EFR3A: variants seen among roughly 807,000 people sequenced by gnomAD.
EFR3A encodes EFR3 homolog A, also known as protein EFR3 homolog A.
A neutral mutation model predicts 104.4 loss-of-function variants in EFR3A; 76 were observed. The observed-to-expected ratio is 0.73, with a 90% CI of 0.60 to 0.88. The LOEUF (loss-of-function observed/expected upper bound fraction) is 0.88. EFR3A is among the 40% of genes least tolerant of loss of function. The pLI, the probability that EFR3A is intolerant of heterozygous loss-of-function variation, is 0.00. For synonymous variants in EFR3A, 330 were observed against 330.0 expected (o/e 1.00, Z 0.00); for missense variants, 985 against 1,012.5 (o/e 0.97, Z 0.37).
chr8:131,944,243 T>C (rs1337641072), intron 2 of EFR3A, among the ~76,000 whole-genome samples: 1 of 152,082 alleles, frequency 6.6e-6, no homozygotes, highest in African/African-American at 2.4e-5. Context: ...TTGTTGCTTT[T>C]TAAATATGTT....
At chr8:131,987,470 TA>T (rs1199812480) in intron 17 of EFR3A, 104 bp from the exon 18 acceptor site, 52 of 1,255,488 alleles carry the variant, frequency 4.1e-5, no homozygotes, top group Non-Finnish European at 5.6e-5. Context: ...ACATTGTGTT[TA>T]TATTTAGAAT....
intron 18 of EFR3A, among the ~76,000 whole-genome samples, chr8:131,995,307 C>T (rs1225271339): frequency 2.6e-5 from 4 of 151,976 alleles, no homozygotes; most frequent in South Asian, 4.1e-4. Flanking sequence ...TTCCTTTTTT[C>T]GACTGTAATC....
intron 1 of EFR3A, chr8:131,935,630 A>T (rs141336380): frequency 1.2e-5 from 3 of 246,158 alleles, no homozygotes; most frequent in African/African-American, 4.6e-5. Flanking sequence ...ATAGATTATG[A>T]AACAAACTTA....
rs201002950 is a variant in EFR3A, at chr8:131,976,074, A to G, written c.1207A>G (p.Met403Val). The G allele has an allele frequency of 1.2e-6, 2 of 1,607,708 alleles. No homozygotes were observed. Among genetic ancestry groups the G allele is most frequent in the Non-Finnish European group, 1.7e-6 (2 of 1,176,668 alleles). The change falls in exon 11 of 23, where the codon ATG becomes GTG. Residue 403 changes from methionine (M) to valine (V), a missense_variant. Coordinates refer to ENST00000254624, the MANE Select transcript of EFR3A (RefSeq NM_015137.6). ...LPDYQRSEIM[M>V]FIMGKVPVFG... is the part of the protein sequence containing the mutation. ...AGATTATCAGAGGTCAGAAATCATGATGTTCATTATGGGGAAAGTACCTGT... is the reference window on the plus strand; with the variant it reads ...AGATTATCAGAGGTCAGAAATCATGGTGTTCATTATGGGGAAAGTACCTGT...
intron 6 of EFR3A, among the ~76,000 whole-genome samples, chr8:131,954,792 A>G (rs1414779978): frequency 6.6e-6 from 1 of 151,926 alleles, no homozygotes; most frequent in Admixed American, 6.6e-5. Context: ...TCAATTCTAT[A>G]GTTCTAAATT....
intron 6 of EFR3A, among the ~76,000 whole-genome samples, chr8:131,954,406 T>C (rs2130622702): frequency 6.6e-6 from 1 of 152,050 alleles, no homozygotes; most frequent in East Asian, 1.9e-4. Context: ...CTGTATTTTA[T>C]TTTTTCAACA....
At chr8:131,989,216 G>A (rs1201302030) in intron 18 of EFR3A, among the ~76,000 whole-genome samples, 1 of 152,142 alleles carries the variant, frequency 6.6e-6, no homozygotes, top group Non-Finnish European at 1.5e-5. Context: ...AATAAACAGT[G>A]ATATTTTATG....
intron 20 of EFR3A, 70 bp downstream of exon 20, chr8:132,001,877 CAG>C (rs1821797751): frequency 7.6e-7 from 1 of 1,313,556 alleles, no homozygotes; most frequent in African/African-American, 1.5e-5. Flanking sequence ...TTTTCGATGA[CAG>C]AATACGTAGA....
At chr8:131,963,442 C>T (rs912508080) in intron 8 of EFR3A, among the ~76,000 whole-genome samples, 1 of 152,162 alleles carries the variant, frequency 6.6e-6, no homozygotes, top group Non-Finnish European at 1.5e-5. Context: ...ACTATAAACA[C>T]CTCTACACAA....
chr8:131,980,598 G>A (rs993240339), intron 14 of EFR3A, among the ~76,000 whole-genome samples: 1 of 152,002 alleles, frequency 6.6e-6, no homozygotes, highest in South Asian at 2.1e-4. Context: ...TGTATATAAT[G>A]TGGAAAGTTT....
At chr8:132,004,157 C>G (rs990431111) in intron 22 of EFR3A, among the ~76,000 whole-genome samples, 1 of 152,120 alleles carries the variant, frequency 6.6e-6, no homozygotes, top group African/African-American at 2.4e-5. Context: ...CCCTCCCATT[C>G]CTGCTATACT....
At chr8:132,005,034 A>G (rs1049821083) in intron 22 of EFR3A, among the ~76,000 whole-genome samples, 10 of 152,226 alleles carry the variant, frequency 6.6e-5, no homozygotes, top group African/African-American at 2.4e-4. Flanking sequence ...AATAATTAAC[A>G]TTTTTAAACA....
intron 7 of EFR3A, among the ~76,000 whole-genome samples, chr8:131,958,451 C>T (rs1372865782): frequency 6.6e-6 from 1 of 152,116 alleles, no homozygotes; most frequent in Non-Finnish European, 1.5e-5. Flanking sequence ...TTCATTTCTG[C>T]CTTCTACTCT....
intron 18 of EFR3A, among the ~76,000 whole-genome samples, chr8:131,993,493 A>G (rs1018161136): frequency 7.9e-5 from 12 of 152,170 alleles, no homozygotes; most frequent in African/African-American, 2.9e-4. Flanking sequence ...CTTGGAGTAG[A>G]GGAGTTGTCA....
At chr8:131,987,179 T>C (rs963127759) in intron 17 of EFR3A, among the ~76,000 whole-genome samples, 6 of 152,200 alleles carry the variant, frequency 3.9e-5, no homozygotes, top group Admixed American at 3.3e-4. Flanking sequence ...CTTAGCTGGC[T>C]AATGTGGTTT....
In EFR3A at chr8:132,013,382, GAAT is replaced by G. The variant is rs1278676209; in HGVS notation, c.*2495_*2497del. 1.3e-5 allele frequency: 2 copies of G among 152,392 alleles called. No individual in the cohort carries two copies. The highest frequency in any genetic ancestry group is 2.9e-5 in the Non-Finnish European group (2 of 68,004). The allele number at this position is 152,392 out of a possible 1,614,324, so 9.4% of individuals were successfully genotyped here. ...ATACTTCTGAACTCATTATCTTTTA[GAAT>G]AATAATACTACTACACTTTACCAGC... On this transcript the variant is annotated 3_prime_UTR_variant, in exon 23 of 23. Coordinates refer to ENST00000254624, the MANE Select transcript of EFR3A (RefSeq NM_015137.6).
At chr8:131,909,371 A>T (rs950713128) in intron 1 of EFR3A, among the ~76,000 whole-genome samples, 1 of 151,690 alleles carries the variant, frequency 6.6e-6, no homozygotes, top group Non-Finnish European at 1.5e-5. Context: ...GGCAACATAG[A>T]CCCCGCCTCT....
intron 22 of EFR3A, among the ~76,000 whole-genome samples, chr8:132,010,446 AT>A (rs1822283995): frequency 1.5e-5 from 2 of 131,124 alleles, no homozygotes; most frequent in Admixed American, 7.9e-5. Flanking sequence ...ATATATATAT[AT>A]ATAATGAAAT....
At chr8:131,961,946 A>T (rs1361877501) in intron 8 of EFR3A, among the ~76,000 whole-genome samples, 2 of 152,192 alleles carry the variant, frequency 1.3e-5, no homozygotes, top group East Asian at 3.8e-4. Flanking sequence ...AGAATTTCAT[A>T]TCCAGCCAAA....
Sources: allele counts gnomAD v4.1 joint callset (sites outside exome capture counted in the v4.1 genomes callset), GRCh38; gene constraint gnomAD v4.1.1; transcripts MANE v1.5; gene names NCBI Gene and HGNC (gene_info 2026-07-23, HGNC 2026-07-21).